ACACB: variants seen among roughly 807,000 people sequenced by gnomAD.
ACACB encodes acetyl-CoA carboxylase 2.
ACACB carries 209 observed loss-of-function variants against 278.8 expected under a neutral mutation model. The observed-to-expected ratio is 0.75, with a 90% CI of 0.67 to 0.84. The LOEUF (loss-of-function observed/expected upper bound fraction) is 0.84, where lower values mean the gene tolerates loss of function less well. Ranked by LOEUF, ACACB falls within the 40% of genes least tolerant of loss-of-function variation. The pLI is 0.00. For missense variants in ACACB, 2,850 were observed against 3,269.0 expected, an observed-to-expected ratio of 0.87 and a Z score of 3.13; for synonymous variants, 1,174 against 1,285.6, an observed-to-expected ratio of 0.91 and a Z score of 1.86.
At chr12:109,247,958 G>A (rs193216633) in intron 40 of ACACB, among the ~76,000 whole-genome samples, 4 of 152,342 alleles carry the variant, frequency 2.6e-5, no homozygotes, top group Non-Finnish European at 1.5e-5. Flanking sequence ...TTGGATTCTC[G>A]TGAATCTCCT....
At chr12:109,238,384 A>G (rs2046693265) in intron 34 of ACACB, among the ~76,000 whole-genome samples, 1 of 142,376 alleles carries the variant, frequency 7.0e-6, no homozygotes, top group Non-Finnish European at 1.5e-5. Context: ...ATGGAAACAT[A>G]TATATATTAT....
At chr12:109,240,021 G>C in intron 35 of ACACB, 36 bp downstream of exon 35, 1 of 1,603,262 alleles carries the variant, frequency 6.2e-7, no homozygotes, top group Non-Finnish European at 8.5e-7. Context: ...ACCGGGCTCT[G>C]GGTTCACCCT....
At chr12:109,243,573 C>T (rs1307930577) in intron 37 of ACACB, among the ~76,000 whole-genome samples, 1 of 152,028 alleles carries the variant, frequency 6.6e-6, no homozygotes, top group Non-Finnish European at 1.5e-5. Flanking sequence ...CACTCTAGCC[C>T]TGGTGACAGA....
intron 37 of ACACB, 74 bp from the exon 38 acceptor site, chr12:109,245,552 C>A (rs572308183): frequency 6.8e-7 from 1 of 1,469,712 alleles, no homozygotes; most frequent in South Asian, 1.3e-5. Context: ...CATGACAGAT[C>A]ATCTCTGTCT....
chr12:109,262,953 TATATATATATA>T (rs1565985738), intron 49 of ACACB: 3 of 91,714 alleles, frequency 3.3e-5, no homozygotes, highest in Admixed American at 9.2e-5. Flanking sequence ...TTTAACATTA[TATATATATATA>T]TATATATATA....
rs2136822243 is a variant in ACACB, at chr12:109,259,114, C to A, written c.6496+6C>A. 1 of 1,613,526 alleles carries A rather than the reference C, an allele frequency of 6.2e-7. No individual in the cohort carries two copies. The highest frequency in any genetic ancestry group is 8.5e-7 in the Non-Finnish European group (1 of 1,179,690). Reference sequence around the variant, plus strand: ...GTTCTCCGGTGGCATGAAAGGTAAGCCCCTCCCTGCCTATGTTACCCCAAA... The same window carrying A: ...GTTCTCCGGTGGCATGAAAGGTAAGACCCTCCCTGCCTATGTTACCCCAAA... On this transcript the variant is annotated splice_donor_region_variant and intron_variant, in intron 47 of 52. Transcript: ENST00000338432.
At chr12:109,239,770 C>G in intron 34 of ACACB, 60 bp from the exon 35 acceptor site, 1 of 1,493,142 alleles carries the variant, frequency 6.7e-7, no homozygotes, top group Non-Finnish European at 8.9e-7. Context: ...GAGTTTCCAG[C>G]CAGCTGGGAG....
At position 109,179,902 on chromosome 12, in the gene ACACB, T is replaced by G. The variant is rs1342299999; in HGVS notation, c.1648-15T>G. Reference sequence around the variant, plus strand: ...ACCTCTGGAACCCCCTTGGCCTCTTTCTGTTTCTTCACAGTGTGCCATCCG... The same window carrying G: ...ACCTCTGGAACCCCCTTGGCCTCTTGCTGTTTCTTCACAGTGTGCCATCCG... On this transcript the variant is annotated splice_polypyrimidine_tract_variant and intron_variant, in intron 10 of 52. Coordinates refer to ENST00000338432, the MANE Select transcript of ACACB (RefSeq NM_001093.4). The G allele has an allele frequency of 6.3e-7, 1 of 1,594,768 alleles. No homozygotes were observed. The highest frequency in any genetic ancestry group is 1.1e-5 in the South Asian group (1 of 90,620).
At chr12:109,254,357 TAG>T in intron 44 of ACACB, 23 bp downstream of exon 44, 1 of 1,599,940 alleles carries the variant, frequency 6.3e-7, no homozygotes, top group Non-Finnish European at 8.5e-7. Flanking sequence ...GTATTTTGCC[TAG>T]GACCTGGTCT....
At position 109,247,622 on chromosome 12, in the gene ACACB, A is replaced by G. The variant is rs760123410; in HGVS notation, c.5588A>G (p.Tyr1863Cys). 6.2e-7 allele frequency: 1 copy of G among 1,613,530 alleles called. No individual in the cohort carries two copies. The highest frequency in any genetic ancestry group is 8.5e-7 in the Non-Finnish European group (1 of 1,179,678). Reference protein sequence around the residue: ...EDPHKGFKYLYLTPQDYTRIS... With the variant: ...EDPHKGFKYLCLTPQDYTRIS... ...TTTTTTAAGGGATTTAAATACCTGT[A>G]CCTGACTCCCCAAGACTACACCAGA... The change falls in exon 40 of 53, where the codon TAC becomes TGC. Residue 1863 changes from tyrosine (Y) to cysteine (C), a missense_variant. Physicochemically the swap from Tyr to Cys is radical, Grantham distance 194. Around this residue, in one of 3 missense-constraint regions of ACACB, gnomAD observed 2,265 missense variants for 2,561.3 expected, o/e 0.88. Transcript: ENST00000338432.
At chr12:109,112,706 AAAAC>A (rs2042333160), upstream of ACACB, among the ~76,000 whole-genome samples, 2 of 143,812 alleles carry the variant, frequency 1.4e-5, no homozygotes, top group South Asian at 2.2e-4. Context: ...AAAAAAAAAA[AAAAC>A]CAACCAGGCA....
rs183853113 is a variant in ACACB at position 109,119,654 on chromosome 12, T to C, written c.-10+2950T>C. Among the ~76,000 whole-genome samples the C allele has an allele frequency of 4.5e-3, 678 of 151,988 alleles. 1 individual carries two copies. The highest frequency in any genetic ancestry group is 8.1e-3 in the Non-Finnish European group (551 of 68,006). The stretch of plus-strand genomic sequence containing the variant: ...GCTCACGCCTATAATCCCAGCACTT[T>C]GGGAGGCTGAGGCAGGCAGATCACT... On this transcript the variant is annotated intron_variant, in intron 1 of 52. Coordinates refer to ENST00000338432, the MANE Select transcript of ACACB (RefSeq NM_001093.4).
At chr12:109,186,241 G>C (rs1329730438) in intron 12 of ACACB, among the ~76,000 whole-genome samples, 2 of 152,122 alleles carry the variant, frequency 1.3e-5, no homozygotes, top group Non-Finnish European at 2.9e-5. Context: ...GGATTTACTG[G>C]ATTTTTGGAT....
chr12:109,200,720 A>G (rs111477421), intron 18 of ACACB, among the ~76,000 whole-genome samples: 4,911 of 152,248 alleles, frequency 0.032, 108 homozygotes, highest in Middle Eastern at 0.048. Context: ...TAAGAAACTC[A>G]CTGGAGGTCA....
At chr12:109,159,495 A>G (rs923254126) in intron 2 of ACACB, among the ~76,000 whole-genome samples, 16 of 152,220 alleles carry the variant, frequency 1.1e-4, no homozygotes, top group African/African-American at 3.6e-4. Flanking sequence ...TGTTAATTCC[A>G]TCATGTGAGG....
At chr12:109,246,898 C>T (rs1257755347) in intron 39 of ACACB, among the ~76,000 whole-genome samples, 1 of 152,104 alleles carries the variant, frequency 6.6e-6, no homozygotes, top group Non-Finnish European at 1.5e-5. Context: ...GCAGCATAGC[C>T]AGACTTCGTC....
At chr12:109,147,590 T>C (rs1380611782) in intron 2 of ACACB, among the ~76,000 whole-genome samples, 1 of 151,938 alleles carries the variant, frequency 6.6e-6, no homozygotes, top group Admixed American at 6.6e-5. Context: ...ACTTGGTTAT[T>C]ACCTGTCTCC....
chr12:109,258,608 ACCTC>A (rs1457501166), intron 46 of ACACB, among the ~76,000 whole-genome samples: 1 of 151,814 alleles, frequency 6.6e-6, no homozygotes, highest in Non-Finnish European at 1.5e-5. Flanking sequence ...AACCCCTCCC[ACCTC>A]CTGCCCTGCC....
At chr12:109,217,825 T>G (rs2046049145) in intron 24 of ACACB, among the ~76,000 whole-genome samples, 1 of 152,060 alleles carries the variant, frequency 6.6e-6, no homozygotes, top group Non-Finnish European at 1.5e-5. Flanking sequence ...AAATCCCAAC[T>G]TTGTATACAA....
Sources: allele counts gnomAD v4.1 joint callset (sites outside exome capture counted in the v4.1 genomes callset), GRCh38; gene constraint gnomAD v4.1.1; regional missense constraint gnomAD v4.1.1; transcripts MANE v1.5; gene names NCBI Gene and HGNC (gene_info 2026-07-23, HGNC 2026-07-21).